Variants in ZMYM2 observed in about 807,000 individuals in gnomAD.
The protein encoded by ZMYM2 is zinc finger MYM-type containing 2, also known as zinc finger MYM-type protein 2.
In ZMYM2, 56 loss-of-function variants were observed where a neutral mutation model predicts 162.8. The observed-to-expected ratio is 0.34, with a 90% CI of 0.28 to 0.43. The LOEUF is 0.43. Ranked by LOEUF, ZMYM2 falls within the 20% of genes least tolerant of loss-of-function variation. The pLI is 1.00. For missense variants in ZMYM2, 1,275 were observed against 1,621.8 expected (o/e 0.79, Z 3.67); for synonymous variants, 510 against 541.6 (o/e 0.94, Z 0.81).
chr13:19,885,605 C>T, the ZMYM2 span, among the ~76,000 whole-genome samples: 2 of 151,882 alleles, frequency 1.3e-5, no homozygotes, highest in African/African-American at 4.8e-5. Flanking sequence ...TTTGGGAGGC[C>T]GAGGCGGGTG....
At chr13:20,060,156 A>G (rs1031031522) in intron 16 of ZMYM2, among the ~76,000 whole-genome samples, 2 of 152,208 alleles carry the variant, frequency 1.3e-5, no homozygotes, top group Non-Finnish European at 2.9e-5. Flanking sequence ...CCTGGAACCA[A>G]TCCCCTAGAA....
chr13:20,042,649 G>A (rs768736151), intron 12 of ZMYM2, among the ~76,000 whole-genome samples: 5 of 152,090 alleles, frequency 3.3e-5, no homozygotes, highest in East Asian at 1.9e-4. Context: ...GTTCTTGTGC[G>A]AGTTCTTTTT....
Position 20,036,268 on chromosome 13 carries a change from GT to G in ZMYM2, c.2120-460del, listed in dbSNP as rs11390219. Among the ~76,000 whole-genome samples, 173 of 149,608 alleles carry G rather than the reference GT, an allele frequency of 1.2e-3. 1 individual carries two copies. The Middle Eastern group carries it at 0.017, about 15-fold the overall frequency. ...TTTCTCTGGGCAAGTCAATAAATCT[GT>G]TTTTTTTTCTGAAGGTCCATGTAAG... is the stretch of plus-strand genomic sequence containing the variant. On this transcript the variant is annotated intron_variant, in intron 11 of 24. Transcript: ENST00000610343.
intron 5 of ZMYM2, 125 bp from the exon 6 acceptor site, chr13:20,006,249 T>A (rs144671393): frequency 0.015 from 361 of 24,310 alleles, 2 homozygotes; most frequent in African/African-American, 0.05. Flanking sequence ...AAAAAAAAAA[T>A]TTTTTTTTTC....
At chr13:20,015,067 T>A (rs566396501) in intron 6 of ZMYM2, among the ~76,000 whole-genome samples, 9 of 152,290 alleles carry the variant, frequency 5.9e-5, no homozygotes, top group South Asian at 2.1e-4. Context: ...GGACTTACTT[T>A]CTTTCTTTTT....
the ZMYM2 span, among the ~76,000 whole-genome samples, chr13:19,946,032 T>C: frequency 1.3e-5 from 2 of 152,008 alleles, no homozygotes; most frequent in South Asian, 2.1e-4. Flanking sequence ...AATGCCTCTC[T>C]GTACCCCACA....
chr13:19,914,981 A>G, the ZMYM2 span, among the ~76,000 whole-genome samples: 2 of 152,148 alleles, frequency 1.3e-5, no homozygotes, highest in African/African-American at 4.8e-5. Context: ...GGGTCCAAGT[A>G]TCAAAGGGTG....
the ZMYM2 span, among the ~76,000 whole-genome samples, chr13:19,886,550 G>A: frequency 6.6e-6 from 1 of 151,912 alleles, no homozygotes; most frequent in Non-Finnish European, 1.5e-5. Context: ...CCACTGCCCT[G>A]TCATACACCC....
the ZMYM2 span, among the ~76,000 whole-genome samples, chr13:19,895,963 A>G: frequency 6.6e-6 from 1 of 151,882 alleles, no homozygotes; most frequent in Non-Finnish European, 1.5e-5. Flanking sequence ...GATCTACAAC[A>G]TTAATGAACC....
intron 6 of ZMYM2, among the ~76,000 whole-genome samples, chr13:20,010,739 C>T (rs1253965731): frequency 6.6e-6 from 1 of 152,130 alleles, no homozygotes; most frequent in Non-Finnish European, 1.5e-5. Context: ...CTCCTGGGTT[C>T]AAGTGATTCT....
intron 12 of ZMYM2, among the ~76,000 whole-genome samples, chr13:20,048,332 T>C (rs1955007878): frequency 6.6e-6 from 1 of 151,972 alleles, no homozygotes. Context: ...GAAAATAATA[T>C]TTAATATTCA....
the ZMYM2 span, among the ~76,000 whole-genome samples, chr13:19,919,242 ACCCTATTGAAGAAAATT>A: frequency 6.6e-6 from 1 of 151,954 alleles, no homozygotes; most frequent in Admixed American, 6.6e-5. Context: ...CACCAGTTTA[ACCCTATTGAAGAAAATT>A]TTTTTGTTTC....
At chr13:19,952,750 T>G in the ZMYM2 span, among the ~76,000 whole-genome samples, 1 of 151,948 alleles carries the variant, frequency 6.6e-6, no homozygotes, top group Non-Finnish European at 1.5e-5. Context: ...ATGAGAAGAT[T>G]ATAAGGAGAG....
the ZMYM2 span, among the ~76,000 whole-genome samples, chr13:19,903,365 C>T: frequency 4.7e-5 from 7 of 150,426 alleles, no homozygotes; most frequent in Non-Finnish European, 8.9e-5. Context: ...TTTGGCTGGG[C>T]GCAGTGGCTC....
Position 19,992,371 on chromosome 13 carries a change from G to A in ZMYM2, c.-10-692G>A, listed in dbSNP as rs142303313. ...CCTAGGAATTTTGAGACCAGCCAGG[G>A]CAACATAGTGAGACCTCGTCTCTAC... On this transcript the variant is annotated intron_variant, in intron 2 of 24. Coordinates refer to ENST00000610343, the MANE Select transcript of ZMYM2 (RefSeq NM_197968.4). Among the ~76,000 whole-genome samples, 27 of 152,176 alleles carry A rather than the reference G, an allele frequency of 1.8e-4. No homozygotes were observed. The East Asian group carries it at 3.5e-3, about 20-fold the overall frequency.
chr13:20,084,331 C>T (rs1958104314), intron 24 of ZMYM2, among the ~76,000 whole-genome samples: 1 of 152,144 alleles, frequency 6.6e-6, no homozygotes, highest in African/African-American at 2.4e-5. Context: ...TAAATTACAG[C>T]AATTCCAATG....
At chr13:19,938,620 T>C in the ZMYM2 span, among the ~76,000 whole-genome samples, 1 of 152,190 alleles carries the variant, frequency 6.6e-6, no homozygotes, top group Non-Finnish European at 1.5e-5. Context: ...GCTCCTGTAC[T>C]AGGCTCTGAT....
At chr13:20,056,707 A>G (rs1955821968) in intron 14 of ZMYM2, among the ~76,000 whole-genome samples, 1 of 150,594 alleles carries the variant, frequency 6.6e-6, no homozygotes, top group African/African-American at 2.5e-5. Flanking sequence ...TGTTAAAAAC[A>G]TAATGTGCAT....
At chr13:19,865,300 C>T in the ZMYM2 span, among the ~76,000 whole-genome samples, 1 of 152,224 alleles carries the variant, frequency 6.6e-6, no homozygotes, top group East Asian at 1.9e-4. Flanking sequence ...ATGTGTTGGG[C>T]TGCATTCAAA....
Sources: gnomAD v4.1 joint callset for allele counts (sites outside exome capture counted in the v4.1 genomes callset) on GRCh38, gnomAD v4.1.1 for gene constraint, MANE v1.5 for transcripts, NCBI Gene and HGNC (gene_info 2026-07-23, HGNC 2026-07-21) for gene names.